The following RBBP8 variants were observed in gnomAD, a reference collection of about 807,000 sequenced individuals.
RBBP8 encodes the protein RB binding protein 8, endonuclease.
A neutral mutation model predicts 108.3 loss-of-function variants in RBBP8; 88 were observed. That is an observed-to-expected ratio of 0.81 (90% CI 0.68 to 0.97). RBBP8 has a LOEUF of 0.97. Ranked by LOEUF, RBBP8 falls within the 50% of genes least tolerant of loss-of-function variation. The pLI, the probability that RBBP8 is intolerant of heterozygous loss-of-function variation, is 0.00. For synonymous variants in RBBP8, 332 were observed against 348.2 expected (o/e 0.95, Z 0.52); for missense variants, 1,023 against 1,049.0 (o/e 0.98, Z 0.34).
At chr18:22,988,550 T>C (rs1343832135) in intron 8 of RBBP8, among the ~76,000 whole-genome samples, 1 of 152,208 alleles carries the variant, frequency 6.6e-6, no homozygotes, top group East Asian at 1.9e-4. Flanking sequence ...TTTCCTTGAT[T>C]TCCCAGAAGA....
intron 2 of RBBP8, chr18:22,915,617 T>C (rs1223997275): frequency 6.6e-6 from 1 of 152,160 alleles, no homozygotes; most frequent in Non-Finnish European, 1.5e-5. Context: ...AAACTTTTAA[T>C]TGGCTGAATT....
In RBBP8 at chr18:23,010,360, A is replaced by G. The variant is rs2046134758; in HGVS notation, c.2357+3928A>G. 2.6e-5 allele frequency among the ~76,000 whole-genome samples: 4 copies of G among 152,292 alleles called. No individual in the cohort carries two copies. In the South Asian group the frequency reaches 8.3e-4, roughly 32 times the overall value. On this transcript the variant is annotated intron_variant, in intron 16 of 18. Coordinates refer to ENST00000327155, the MANE Select transcript of RBBP8 (RefSeq NM_002894.3). ...CTCATGCCTGTAATCCCAGCACTTC[A>G]AGAGGCTTTGGCGGAAGAATCGCTT...
Position 22,993,368 on chromosome 18 carries a change from A to C in RBBP8, c.1541A>C (p.Asn514Thr), listed in dbSNP as rs1915837516. 1 of 1,614,126 alleles carries C rather than the reference A, an allele frequency of 6.2e-7. No individual in the cohort carries two copies. The highest frequency in any genetic ancestry group is 8.5e-7 in the Non-Finnish European group (1 of 1,180,046). Reference sequence around the variant, plus strand: ...AGCCAAGGAAGTGAGACTTCTAAAAACAAATTTAGGCAAGTGACTCTTTAT... The same window carrying C: ...AGCCAAGGAAGTGAGACTTCTAAAACCAAATTTAGGCAAGTGACTCTTTAT... ...EKSQGSETSK[N>T]KFRQVTLYEA... The change falls in exon 11 of 19, where the codon AAC (asparagine) becomes ACC (threonine). Residue 514 changes from asparagine (N) to threonine (T), a missense_variant. Transcript: ENST00000327155.
intron 16 of RBBP8, among the ~76,000 whole-genome samples, chr18:23,014,614 C>CA (rs2046226019): frequency 6.6e-6 from 1 of 152,068 alleles, no homozygotes; most frequent in African/African-American, 2.4e-5. Context: ...GCCTGGGCAA[C>CA]AAAGCAAGAA....
intron 2 of RBBP8, among the ~76,000 whole-genome samples, chr18:22,943,739 A>C (rs1911298873): frequency 6.6e-6 from 1 of 152,176 alleles, no homozygotes; most frequent in Non-Finnish European, 1.5e-5. Context: ...CAGAACCATA[A>C]ATAACTTGTT....
At chr18:22,929,102 A>C (rs569803844), upstream of RBBP8, among the ~76,000 whole-genome samples, 1 of 152,302 alleles carries the variant, frequency 6.6e-6, no homozygotes, top group South Asian at 2.1e-4. Context: ...CTAGGTAAGA[A>C]ACATCAGGGC....
chr18:22,959,337 C>T (rs929674317), intron 4 of RBBP8, among the ~76,000 whole-genome samples: 4 of 152,186 alleles, frequency 2.6e-5, no homozygotes, highest in Non-Finnish European at 4.4e-5. Context: ...CTGCCATTCT[C>T]GTGTTAATTC....
intron 15 of RBBP8, among the ~76,000 whole-genome samples, chr18:23,005,283 T>C (rs1488929381): frequency 6.6e-6 from 1 of 152,260 alleles, no homozygotes; most frequent in East Asian, 1.9e-4. Flanking sequence ...GCACAGATTT[T>C]GAATGTTCCC....
At chr18:22,922,055 C>T (rs1011885226) in intron 3 of RBBP8, among the ~76,000 whole-genome samples, 17 of 152,086 alleles carry the variant, frequency 1.1e-4, no homozygotes, top group Admixed American at 5.2e-4. Flanking sequence ...TTCATTATAA[C>T]CTATAATGTG....
At chr18:22,924,248 C>A (rs1909710082) in intron 3 of RBBP8, among the ~76,000 whole-genome samples, 1 of 151,294 alleles carries the variant, frequency 6.6e-6, no homozygotes, top group South Asian at 2.1e-4. Flanking sequence ...CCTGCCTCAG[C>A]CTCCTGAGTA....
At position 23,022,286 on chromosome 18, in the gene RBBP8, G is replaced by A. The variant is rs750474457; in HGVS notation, c.2596+16G>A. The A allele has an allele frequency of 1.3e-6, 2 of 1,593,842 alleles. No homozygotes were observed. The highest frequency in any genetic ancestry group is 1.7e-6 in the Non-Finnish European group (2 of 1,165,062). On this transcript the variant is annotated intron_variant, in intron 18 of 18. Coordinates refer to ENST00000327155, the MANE Select transcript of RBBP8 (RefSeq NM_002894.3). ...ATGGAAAGAGGTGAGAGTATAGATT[G>A]TAACATTTTATAATTATTTTTTTTA...
At chr18:22,960,294 C>G (rs1373288406) in intron 4 of RBBP8, among the ~76,000 whole-genome samples, 1 of 152,202 alleles carries the variant, frequency 6.6e-6, no homozygotes, top group Non-Finnish European at 1.5e-5. Context: ...TTGGCTCACA[C>G]CTGTATTCCC....
chr18:22,930,036 A>C (rs565968698), upstream of RBBP8, among the ~76,000 whole-genome samples: 1 of 152,344 alleles, frequency 6.6e-6, no homozygotes, highest in Admixed American at 6.5e-5. Flanking sequence ...TAGATTCTAG[A>C]ATCTACAGGA....
chr18:23,013,317 G>A (rs931644387), intron 16 of RBBP8, among the ~76,000 whole-genome samples: 4 of 152,162 alleles, frequency 2.6e-5, no homozygotes, highest in Non-Finnish European at 5.9e-5. Context: ...AACGGGGAAT[G>A]GAGATTGGTT....
In RBBP8 at chr18:23,022,111, A is replaced by T; in HGVS notation, c.2455-18A>T. 6.4e-7 allele frequency: 1 copy of T among 1,568,850 alleles called. No homozygotes were observed. The highest frequency in any genetic ancestry group is 8.8e-7 in the Non-Finnish European group (1 of 1,139,014). On this transcript the variant is annotated intron_variant, in intron 17 of 18. Coordinates refer to ENST00000327155, the MANE Select transcript of RBBP8 (RefSeq NM_002894.3). ...TTATTATTCTTTAGTGAAAAAACTT[A>T]CCAGTTTTTATTATTAGTATTATGC...
intron 17 of RBBP8, among the ~76,000 whole-genome samples, chr18:23,017,530 T>C (rs1330117796): frequency 1.3e-5 from 2 of 149,378 alleles, no homozygotes; most frequent in Non-Finnish European, 3.0e-5. Flanking sequence ...GGCGGGCGCC[T>C]GTAGTCCCAG....
chr18:22,933,798 C>T (rs954765333), intron 1 of RBBP8: 1 of 152,168 alleles, frequency 6.6e-6, no homozygotes, highest in Admixed American at 6.5e-5. Context: ...TGAGGAAGCG[C>T]CTTTCGCCGC....
intron 8 of RBBP8, 66 bp downstream of exon 8, chr18:22,985,056 C>T: frequency 6.3e-7 from 1 of 1,597,968 alleles, no homozygotes; most frequent in South Asian, 1.1e-5. Context: ...AACAGTGACC[C>T]ACAGTCTAAC....
intron 4 of RBBP8, among the ~76,000 whole-genome samples, chr18:22,965,954 A>G (rs964214509): frequency 6.6e-6 from 1 of 152,028 alleles, no homozygotes; most frequent in African/African-American, 2.4e-5. Flanking sequence ...TTTTATTTTT[A>G]TTTTATTTAT....
Sources: allele counts gnomAD v4.1 joint callset (sites outside exome capture counted in the v4.1 genomes callset), GRCh38; gene constraint gnomAD v4.1.1; transcripts MANE v1.5; gene names NCBI Gene and HGNC (gene_info 2026-07-23, HGNC 2026-07-21).